The following FFAR4 variants were observed in gnomAD, a reference collection of about 807,000 sequenced individuals.
FFAR4 encodes the protein G-protein coupled receptor 120.
In FFAR4, 19 loss-of-function variants were observed where a neutral mutation model predicts 27.0. That is an observed-to-expected ratio of 0.70 (90% confidence interval 0.49 to 1.03). The LOEUF is 1.03. Among genes scored for constraint, FFAR4 ranks in the 50% least tolerant of loss-of-function variants. FFAR4 has a pLI of 0.00. For missense variants in FFAR4, 476 were observed against 479.0 expected (o/e 0.99, Z 0.06); for synonymous variants, 254 against 215.6 (o/e 1.18, Z -1.56).
chr10:93,579,515 T>A (rs2058186893), intron 2 of FFAR4, among the ~76,000 whole-genome samples: 1 of 152,172 alleles, frequency 6.6e-6, no homozygotes. Flanking sequence ...TTCCCATCAA[T>A]CTCCAATTCC....
chr10:93,568,204 G>C (rs2058111207), intron 1 of FFAR4, among the ~76,000 whole-genome samples: 1 of 152,142 alleles, frequency 6.6e-6, no homozygotes, highest in African/African-American at 2.4e-5. Context: ...GATCCACACG[G>C]AAGAGGGAAT....
In FFAR4 at chr10:93,587,763, A is replaced by T; in HGVS notation, c.*154A>T. 1.4e-6 allele frequency: 1 copy of T among 711,146 alleles called. No individual in the cohort carries two copies. Among genetic ancestry groups the T allele is most frequent in the East Asian group, 2.6e-5 (1 of 38,950 alleles). 44.1% of individuals were successfully genotyped at this position (711,146 alleles called of 1,614,324 possible). On this transcript the variant is annotated 3_prime_UTR_variant, in exon 3 of 3. Coordinates refer to ENST00000371481, the MANE Select transcript of FFAR4 (RefSeq NM_001195755.2). The stretch of plus-strand genomic sequence containing the variant: ...AGCGTCGGTAAATTAAGGGGTGATC[A>T]CCAAGTTTCATAATATTTTCCCTTT...
In FFAR4 at chr10:93,573,776, G is replaced by A. The variant is rs146779173; in HGVS notation, c.568-2315G>A. Among the ~76,000 whole-genome samples the A allele has an allele frequency of 1.5e-3, 231 of 152,236 alleles. 2 individuals are homozygous for A. The highest frequency in any genetic ancestry group is 5.2e-3 in the African/African-American group (217 of 41,548). On this transcript the variant is annotated intron_variant, in intron 1 of 2. Transcript: ENST00000371481. ...GCCACAAATCAAAAGGAGAACGAGC[G>A]TCTTTATTAAAGTCACGGAATTTGG...
intron 2 of FFAR4, among the ~76,000 whole-genome samples, chr10:93,584,227 G>A (rs2058215011): frequency 1.3e-5 from 2 of 152,198 alleles, no homozygotes; most frequent in African/African-American, 2.4e-5. Flanking sequence ...TTGAGCCCGA[G>A]GTGGTGCCCT....
intron 2 of FFAR4, among the ~76,000 whole-genome samples, chr10:93,585,570 T>C (rs945568366): frequency 2.0e-5 from 3 of 152,126 alleles, no homozygotes; most frequent in African/African-American, 7.2e-5. Context: ...AGGATGTGGG[T>C]TTGTGGTGCT....
At chr10:93,583,437 A>G (rs1340116392) in intron 2 of FFAR4, among the ~76,000 whole-genome samples, 5 of 150,402 alleles carry the variant, frequency 3.3e-5, no homozygotes, top group Non-Finnish European at 7.4e-5. Context: ...AAAAAGTAGG[A>G]CGCCTGGACA....
chr10:93,579,327 A>C (rs1437497967), intron 2 of FFAR4: 2 of 823,436 alleles, frequency 2.4e-6, no homozygotes, highest in South Asian at 1.6e-5. Context: ...TTCATATTTC[A>C]CCCTCCCTTG....
intron 1 of FFAR4, among the ~76,000 whole-genome samples, chr10:93,568,191 C>T (rs2058111061): frequency 6.6e-6 from 1 of 151,984 alleles, no homozygotes; most frequent in Admixed American, 6.6e-5. Context: ...GTTCGTGCGC[C>T]GGGATCCACA....
At chr10:93,580,469 T>C (rs556848623) in intron 2 of FFAR4, among the ~76,000 whole-genome samples, 1 of 152,326 alleles carries the variant, frequency 6.6e-6, no homozygotes, top group South Asian at 2.1e-4. Flanking sequence ...TAGAGTGCCA[T>C]GGCAATGTTA....
intron 2 of FFAR4, among the ~76,000 whole-genome samples, chr10:93,580,091 G>A (rs1418061961): frequency 6.6e-6 from 1 of 152,172 alleles, no homozygotes; most frequent in Non-Finnish European, 1.5e-5. Context: ...TAATTTGGAA[G>A]CAGACAAGCT....
chr10:93,575,326 T>C (rs1363897332), intron 1 of FFAR4, among the ~76,000 whole-genome samples: 1 of 152,248 alleles, frequency 6.6e-6, no homozygotes, highest in Non-Finnish European at 1.5e-5. Context: ...TATTTATTCA[T>C]TGGATGAAAT....
chr10:93,583,971 G>T (rs999404759), intron 2 of FFAR4, among the ~76,000 whole-genome samples: 1 of 152,324 alleles, frequency 6.6e-6, no homozygotes, highest in East Asian at 1.9e-4. Context: ...GGATGAAGCT[G>T]CTGTCAGAAT....
At chr10:93,579,245 T>C (rs1343873799) in intron 2 of FFAR4, 4 of 1,553,310 alleles carry the variant, frequency 2.6e-6, no homozygotes, top group Non-Finnish European at 3.6e-6. Context: ...ACAGAGCAAA[T>C]ATGTAATTTA....
intron 2 of FFAR4, 23 bp downstream of exon 2, chr10:93,576,242 C>G (rs1322158237): frequency 6.2e-7 from 1 of 1,613,050 alleles, no homozygotes; most frequent in Non-Finnish European, 8.5e-7. Context: ...CAAGTGCTGC[C>G]ACTGAACTTC....
At chr10:93,567,581 G>T (rs1489801645) in intron 1 of FFAR4, among the ~76,000 whole-genome samples, 1 of 152,200 alleles carries the variant, frequency 6.6e-6, no homozygotes, top group Non-Finnish European at 1.5e-5. Context: ...AACTTTGGGG[G>T]TGCAGGGTGG....
At position 93,576,196 on chromosome 10, in the gene FFAR4, A is replaced by T; in HGVS notation, c.673A>T (p.Ile225Phe). Residue 225 changes from isoleucine (I) to phenylalanine (F), a missense_variant, in exon 2 of 3, where the codon ATC becomes TTC. Coordinates refer to ENST00000371481, the MANE Select transcript of FFAR4 (RefSeq NM_001195755.2). ...CTTGGTGCCAGGACTGGTCATTGTG[A>T]TCAGTTACTCCAAAATTTTACAGGT... ...NFLVPGLVIV[I>F]SYSKILQITK... 6.2e-7 allele frequency: 1 copy of T among 1,614,078 alleles called. No homozygotes were observed. Among genetic ancestry groups the T allele is most frequent in the Non-Finnish European group, 8.5e-7 (1 of 1,179,986 alleles).
chr10:93,567,101 C>A lies in FFAR4; in HGVS notation c.381C>A (p.Leu127=). 1 of 1,609,398 alleles carries A rather than the reference C, an allele frequency of 6.2e-7. No homozygotes were observed. The highest frequency in any genetic ancestry group is 8.5e-7 in the Non-Finnish European group (1 of 1,178,916). ...VMTLSGSVTI[L]TLAAVSLERM... ...CCCTGAGCGGCAGCGTCACCATCCT[C>A]ACGCTGGCCGCGGTCAGCCTGGAGC... The change falls in exon 1 of 3, where the codon CTC becomes CTA. Residue 127 remains leucine, a synonymous_variant. Coordinates refer to ENST00000371481, the MANE Select transcript of FFAR4 (RefSeq NM_001195755.2).
At chr10:93,579,127 C>T (rs776968174) in intron 2 of FFAR4, 3 of 1,610,608 alleles carry the variant, frequency 1.9e-6, no homozygotes, top group Non-Finnish European at 1.7e-6. Context: ...GTGTCTAAAC[C>T]CACAGCCGGC....
chr10:93,573,008 G>C lies in FFAR4; in HGVS notation c.568-3083G>C, dbSNP rs1261244030. On this transcript the variant is annotated intron_variant, in intron 1 of 2. Transcript: ENST00000371481. ...CCCACAATTCTGCTCTGACAGCTGA[G>C]CTCCAGCCTCCCTATGCCCCTGGCC... is the stretch of plus-strand genomic sequence containing the variant. 7.2e-5 allele frequency among the ~76,000 whole-genome samples: 11 copies of C among 152,176 alleles called. 1 individual carries two copies. Among genetic ancestry groups the C allele is most frequent in the African/African-American group, 1.9e-4 (8 of 41,444 alleles).
Sources: gnomAD v4.1 joint callset for allele counts (sites outside exome capture counted in the v4.1 genomes callset) on GRCh38, gnomAD v4.1.1 for gene constraint, MANE v1.5 for transcripts, NCBI Gene and HGNC (gene_info 2026-07-23, HGNC 2026-07-21) for gene names.